The following RPS15A variants were observed in gnomAD, a reference collection of about 807,000 sequenced individuals.
RPS15A encodes ribosomal protein S15a.
For synonymous variants in RPS15A, 55 were observed against 58.5 expected, an observed-to-expected ratio of 0.94 and a Z score of 0.27; for missense variants, 62 against 163.4, an observed-to-expected ratio of 0.38 and a Z score of 3.38.
Position 18,788,973 on chromosome 16 carries a change from A to C in RPS15A, c.133+8T>G. The C allele has an allele frequency of 6.2e-7, 1 of 1,609,274 alleles. No homozygotes were observed. Reference sequence around the variant, plus strand: ...TGAAAACATAAAACACAGCGGCAGCAGACTTACCATGCTTCATCATCACAG... The same window carrying C: ...TGAAAACATAAAACACAGCGGCAGCCGACTTACCATGCTTCATCATCACAG... On this transcript the variant is annotated splice_region_variant and intron_variant, in intron 2 of 4. Coordinates refer to ENST00000322989, the MANE Select transcript of RPS15A (RefSeq NM_001019.5).
intron 4 of RPS15A, 188 bp downstream of exon 4, chr16:18,784,550 C>T: frequency 1.8e-6 from 1 of 543,818 alleles, no homozygotes; most frequent in Non-Finnish European, 3.2e-6. Context: ...CTGGCCAACC[C>T]TGTCTCTTTT....
chr16:18,782,809 G>A lies in RPS15A; in HGVS notation c.*200C>T. The A allele has an allele frequency of 2.1e-6, 1 of 487,178 alleles. No homozygotes were observed. The highest frequency in any genetic ancestry group is 3.8e-5 in the Admixed American group (1 of 26,322). The allele number at this position is 487,178 out of a possible 1,614,324, so 30.2% of individuals were successfully genotyped here. ...GTTTTGGCAGACAGCAGGGGTGACT[G>A]TTTCTTAGGCATACTGGTTTCATAA... On this transcript the variant is annotated 3_prime_UTR_variant, in exon 5 of 5. Coordinates refer to ENST00000322989, the MANE Select transcript of RPS15A (RefSeq NM_001019.5).
rs1377768908 is a variant in RPS15A, at chr16:18,788,767, C to T, written c.133+214G>A. 7.8e-6 allele frequency: 4 copies of T among 514,588 alleles called. No homozygotes were observed. The Admixed American group carries it at 1.1e-4, about 15-fold the overall frequency. 31.9% of individuals were successfully genotyped at this position (514,588 alleles called of 1,614,324 possible). On this transcript the variant is annotated intron_variant, in intron 2 of 4. Coordinates refer to ENST00000322989, the MANE Select transcript of RPS15A (RefSeq NM_001019.5). ...TTCAATGACTTAGATTCATTTAGCT[C>T]CCAAACACCTAGCAGAGCTCCTTTT...
At chr16:18,785,462 C>T (rs1222040137) in intron 3 of RPS15A, 1 of 152,156 alleles carries the variant, frequency 6.6e-6, no homozygotes, top group Non-Finnish European at 1.5e-5. Flanking sequence ...AGTAAAAGCT[C>T]GCCAAGGGCT....
At chr16:18,787,476 GCA>G (rs1268013175) in intron 3 of RPS15A, among the ~76,000 whole-genome samples, 3 of 152,166 alleles carry the variant, frequency 2.0e-5, no homozygotes, top group Non-Finnish European at 4.4e-5. Context: ...CTGACAGGAA[GCA>G]CAGTGGACAC....
chr16:18,784,008 G>GA (rs1904006787), intron 4 of RPS15A: 1 of 213,052 alleles, frequency 4.7e-6, no homozygotes, highest in African/African-American at 2.3e-5. Flanking sequence ...GGGCAGACAT[G>GA]AAAGTGGACA....
At chr16:18,783,657 A>G in intron 4 of RPS15A, 1 of 456,106 alleles carries the variant, frequency 2.2e-6, no homozygotes, top group South Asian at 1.5e-5. Context: ...TACAGCAACC[A>G]TGAAGTGAGA....
Position 18,782,948 on chromosome 16 carries a change from G to T in RPS15A, c.*61C>A. 4.7e-6 allele frequency: 5 copies of T among 1,059,542 alleles called. No homozygotes were observed. The South Asian group carries it at 5.4e-5, about 11-fold the overall frequency. 65.6% of individuals were successfully genotyped at this position (1,059,542 alleles called of 1,614,324 possible). Reference sequence around the variant, plus strand: ...CTACACTGCTGTAAAGGCTCAAAACGACCAAGTGGAAGCACCAGAGTCCAT... The same window carrying T: ...CTACACTGCTGTAAAGGCTCAAAACTACCAAGTGGAAGCACCAGAGTCCAT... On this transcript the variant is annotated 3_prime_UTR_variant, in exon 5 of 5. Transcript: ENST00000322989.
Position 18,782,750 on chromosome 16 carries a change from A to C in RPS15A, c.*259T>G. On this transcript the variant is annotated 3_prime_UTR_variant, in exon 5 of 5. Coordinates refer to ENST00000322989, the MANE Select transcript of RPS15A (RefSeq NM_001019.5). The stretch of plus-strand genomic sequence containing the variant: ...AAAAGAAAAAAAAAAAAAAAAACTG[A>C]AATACAACTAAAATATTTAGTGTCA... The C allele has an allele frequency of 3.3e-6, 1 of 300,674 alleles. No homozygotes were observed. The highest frequency in any genetic ancestry group is 6.1e-6 in the Non-Finnish European group (1 of 163,670). 18.6% of individuals were successfully genotyped at this position (300,674 alleles called of 1,614,324 possible). A position where few individuals can be genotyped will look rare whatever the true frequency, so the allele number is the denominator to read the frequency against.
At chr16:18,784,932 C>T in intron 3 of RPS15A, 109 bp from the exon 4 acceptor site, 3 of 825,522 alleles carry the variant, frequency 3.6e-6, no homozygotes, top group Non-Finnish European at 3.9e-6. Context: ...ACCAACCAAC[C>T]CAGCATTCAG....
chr16:18,782,770 G>C lies in RPS15A; in HGVS notation c.*239C>G, dbSNP rs1903985634. 2.9e-6 allele frequency: 1 copy of C among 343,690 alleles called. No homozygotes were observed. Among genetic ancestry groups the C allele is most frequent in the Non-Finnish European group, 5.2e-6 (1 of 190,524 alleles). The allele number at this position is 343,690 out of a possible 1,614,324, so 21.3% of individuals were successfully genotyped here. A position where few individuals can be genotyped will look rare whatever the true frequency, so the allele number is the denominator to read the frequency against. On this transcript the variant is annotated 3_prime_UTR_variant, in exon 5 of 5. Transcript: ENST00000322989. ...AACTGAAATACAACTAAAATATTTA[G>C]TGTCAAATACCTGGTTTTGGCAGAC... is the stretch of plus-strand genomic sequence containing the variant.
intron 3 of RPS15A, among the ~76,000 whole-genome samples, chr16:18,787,397 C>G (rs1246748835): frequency 6.6e-6 from 1 of 152,090 alleles, no homozygotes; most frequent in Non-Finnish European, 1.5e-5. Context: ...AACAATACAA[C>G]AAAATAAGGC....
At position 18,789,743 on chromosome 16, in the gene RPS15A, A is replaced by G. The variant is rs552457618; in HGVS notation, c.-6+501T>C. ...CTCTTCTAATGGGCAAGAACCGCAC[A>G]CTACACTGAAGTTTTGAAAGACCAA... On this transcript the variant is annotated intron_variant, in intron 1 of 4. Transcript: ENST00000322989. 9.2e-5 allele frequency among the ~76,000 whole-genome samples: 14 copies of G among 152,342 alleles called. No homozygotes were observed. In the South Asian group the frequency reaches 2.7e-3, roughly 29 times the overall value.
At chr16:18,787,706 G>A (rs538418718) in intron 3 of RPS15A, among the ~76,000 whole-genome samples, 2 of 152,174 alleles carry the variant, frequency 1.3e-5, no homozygotes, top group Non-Finnish European at 2.9e-5. Flanking sequence ...ACACATCACT[G>A]AGAGGAAGGA....
At position 18,784,727 on chromosome 16, in the gene RPS15A, G is replaced by A. The variant is rs1401085362; in HGVS notation, c.299+11C>T. On this transcript the variant is annotated intron_variant, in intron 4 of 4. Coordinates refer to ENST00000322989, the MANE Select transcript of RPS15A (RefSeq NM_001019.5). Reference sequence around the variant, plus strand: ...CATTAACTTCTTTTAATTAAGGAAAGGCCAACTTACCCAAACTGGCGGGAT... The same window carrying A: ...CATTAACTTCTTTTAATTAAGGAAAAGCCAACTTACCCAAACTGGCGGGAT... The A allele has an allele frequency of 1.3e-6, 2 of 1,590,616 alleles. No homozygotes were observed. The highest frequency in any genetic ancestry group is 1.7e-6 in the Non-Finnish European group (2 of 1,171,264).
chr16:18,782,482 G>A lies in RPS15A; in HGVS notation c.*527C>T, dbSNP rs1328153411. ...TCGTGGCTGTAATCCCAGCACTTCG[G>A]GAGGCCGAGGTAGGCTGATCACTTG... On this transcript the variant is annotated 3_prime_UTR_variant, in exon 5 of 5. Coordinates refer to ENST00000322989, the MANE Select transcript of RPS15A (RefSeq NM_001019.5). 1 of 152,336 alleles carries A rather than the reference G, an allele frequency of 6.6e-6. No homozygotes were observed. The highest frequency in any genetic ancestry group is 1.5e-5 in the Non-Finnish European group (1 of 68,250). The allele number at this position is 152,336 out of a possible 1,614,324, so 9.4% of individuals were successfully genotyped here. A position where few individuals can be genotyped will look rare whatever the true frequency, so the allele number is the denominator to read the frequency against.
At chr16:18,789,396 G>A (rs960753937) in intron 1 of RPS15A, among the ~76,000 whole-genome samples, 5 of 152,190 alleles carry the variant, frequency 3.3e-5, no homozygotes, top group Admixed American at 1.3e-4. Flanking sequence ...AACGTCTGGA[G>A]ATAATAAAAT....
Position 18,788,043 on chromosome 16 carries a change from T to C in RPS15A, c.213+20A>G, listed in dbSNP as rs765760359. 8 of 1,498,822 alleles carry C rather than the reference T, an allele frequency of 5.3e-6. No homozygotes were observed. Among genetic ancestry groups the C allele is most frequent in the Non-Finnish European group, 7.4e-6 (8 of 1,075,268 alleles). 92.8% of individuals were successfully genotyped at this position (1,498,822 alleles called of 1,614,324 possible). A position where few individuals can be genotyped will look rare whatever the true frequency, so the allele number is the denominator to read the frequency against. On this transcript the variant is annotated intron_variant, in intron 3 of 4. Coordinates refer to ENST00000322989, the MANE Select transcript of RPS15A (RefSeq NM_001019.5). ...AAAAAATTCTTAAAGCTTTGAAATG[T>C]GTAGATCACTCGTTCTTACCTTGTT... is the stretch of plus-strand genomic sequence containing the variant.
intron 1 of RPS15A, 160 bp downstream of exon 1, chr16:18,790,084 C>T: frequency 6.5e-6 from 1 of 152,878 alleles, no homozygotes; most frequent in Non-Finnish European, 1.5e-5. Flanking sequence ...CTCCGGCTCC[C>T]GCCCGCGCTG....
Sources: gnomAD v4.1 joint callset for allele counts (sites outside exome capture counted in the v4.1 genomes callset) on GRCh38, gnomAD v4.1.1 for gene constraint, MANE v1.5 for transcripts, NCBI Gene and HGNC (gene_info 2026-07-23, HGNC 2026-07-21) for gene names.